The following LCP2 variants were observed in gnomAD, a reference collection of about 807,000 sequenced individuals.
The protein encoded by LCP2 is 76 kDa tyrosine phosphoprotein.
LCP2 carries 29 observed loss-of-function variants against 74.5 expected under a neutral mutation model. That is an observed-to-expected ratio of 0.39 (90% confidence interval 0.29 to 0.53). The LOEUF (loss-of-function observed/expected upper bound fraction) is 0.53. Among genes scored for constraint, LCP2 ranks in the 20% least tolerant of loss-of-function variants. LCP2 has a pLI of 0.72. For synonymous variants in LCP2, 228 were observed against 229.5 expected (o/e 0.99, Z 0.06); for missense variants, 604 against 634.6 (o/e 0.95, Z 0.52).
intron 14 of LCP2, among the ~76,000 whole-genome samples, chr5:170,259,907 A>G (rs1389395466): frequency 6.6e-6 from 1 of 152,204 alleles, no homozygotes; most frequent in African/African-American, 2.4e-5. Flanking sequence ...CCAGATTCTC[A>G]TGAGCACAAG....
Position 170,248,095 on chromosome 5 carries a change from A to T in LCP2, c.*602T>A, listed in dbSNP as rs560906991. The T allele has an allele frequency of 3.9e-5, 6 of 152,288 alleles. No homozygotes were observed. The highest frequency in any genetic ancestry group is 1.4e-4 in the African/African-American group (6 of 41,466). The allele number at this position is 152,288 out of a possible 1,614,324, so 9.4% of individuals were successfully genotyped here. On this transcript the variant is annotated 3_prime_UTR_variant, in exon 21 of 21. Coordinates refer to ENST00000046794, the MANE Select transcript of LCP2 (RefSeq NM_005565.5). ...GGAAACCAAAAAAGTAAAGCAAAAG[A>T]CTATTTTAATCCCAGAAGTTATCTC... is the stretch of plus-strand genomic sequence containing the variant.
chr5:170,295,099 C>G (rs184969075), intron 1 of LCP2, among the ~76,000 whole-genome samples: 1 of 152,130 alleles, frequency 6.6e-6, no homozygotes. Flanking sequence ...GGGATACCAG[C>G]TGGGACCCCA....
At chr5:170,292,847 G>A (rs1289621945) in intron 2 of LCP2, among the ~76,000 whole-genome samples, 3 of 152,172 alleles carry the variant, frequency 2.0e-5, no homozygotes, top group Non-Finnish European at 2.9e-5. Flanking sequence ...ATAATACAGT[G>A]GAGACAGCCA....
At chr5:170,276,235 T>G (rs764783786) in intron 3 of LCP2, among the ~76,000 whole-genome samples, 1 of 152,220 alleles carries the variant, frequency 6.6e-6, no homozygotes, top group African/African-American at 2.4e-5. Flanking sequence ...TGTCTTACTA[T>G]TCCTGGGGCT....
intron 3 of LCP2, among the ~76,000 whole-genome samples, chr5:170,286,013 C>T (rs752551865): frequency 7.2e-5 from 11 of 152,228 alleles, no homozygotes; most frequent in Non-Finnish European, 1.2e-4. Flanking sequence ...TTTTCCATCC[C>T]TCGGTGTCTG....
At chr5:170,292,722 C>G (rs968118670) in intron 2 of LCP2, among the ~76,000 whole-genome samples, 1 of 152,186 alleles carries the variant, frequency 6.6e-6, no homozygotes, top group Non-Finnish European at 1.5e-5. Flanking sequence ...ACCACCTCCC[C>G]GACCACAACC....
In LCP2 at chr5:170,248,492, T is replaced by C. The variant is rs1335153749; in HGVS notation, c.*205A>G. On this transcript the variant is annotated 3_prime_UTR_variant, in exon 21 of 21. Coordinates refer to ENST00000046794, the MANE Select transcript of LCP2 (RefSeq NM_005565.5). ...AAGTGTGAACATGACTCATGCACTT[T>C]ACAAACATTGAAGAAGAATAAATAA... 7.8e-6 allele frequency: 4 copies of C among 512,128 alleles called. No homozygotes were observed. The highest frequency in any genetic ancestry group is 1.4e-5 in the Non-Finnish European group (4 of 289,066). 31.7% of individuals were successfully genotyped at this position (512,128 alleles called of 1,614,324 possible).
rs371119903 is a variant in LCP2 at position 170,287,904 on chromosome 5, C to T, written c.188+66G>A. ...AATGACATAGAACTGACCCAGCCCC[C>T]ACTCACACTACTCCCCATTCCCACC... On this transcript the variant is annotated intron_variant, in intron 3 of 20. Coordinates refer to ENST00000046794, the MANE Select transcript of LCP2 (RefSeq NM_005565.5). The T allele has an allele frequency of 9.7e-4, 1,393 of 1,432,272 alleles. 2 individuals are homozygous for T. The highest frequency in any genetic ancestry group is 1.3e-3 in the Non-Finnish European group (1,284 of 1,014,788). The allele number at this position is 1,432,272 out of a possible 1,614,324, so 88.7% of individuals were successfully genotyped here. A position where few individuals can be genotyped will look rare whatever the true frequency, so the allele number is the denominator to read the frequency against.
chr5:170,285,475 C>T (rs190593348), intron 3 of LCP2, among the ~76,000 whole-genome samples: 48 of 152,210 alleles, frequency 3.2e-4, no homozygotes, highest in Non-Finnish European at 5.6e-4. Context: ...TTTTTGCATT[C>T]CTATAAATAG....
Position 170,274,158 on chromosome 5 carries a change from G to T in LCP2, c.324+143C>A. ...AAAACTATTTCCTGTCTGGCCCTGT[G>T]CAGAGCACCTTTTCTGGGCCCTGGG... On this transcript the variant is annotated intron_variant, in intron 6 of 20. Transcript: ENST00000046794. 6 of 819,492 alleles carry T rather than the reference G, an allele frequency of 7.3e-6. No homozygotes were observed. The Admixed American group carries it at 8.6e-5, about 12-fold the overall frequency. 50.8% of individuals were successfully genotyped at this position (819,492 alleles called of 1,614,324 possible).
chr5:170,255,048 G>C (rs1321556192), intron 17 of LCP2, among the ~76,000 whole-genome samples: 1 of 152,206 alleles, frequency 6.6e-6, no homozygotes, highest in African/African-American at 2.4e-5. Flanking sequence ...GAGATCTGTG[G>C]AACTTGCTTT....
chr5:170,284,282 T>A (rs1321700091), intron 3 of LCP2, among the ~76,000 whole-genome samples: 1 of 152,234 alleles, frequency 6.6e-6, no homozygotes, highest in Non-Finnish European at 1.5e-5. Context: ...AAAAAGCACC[T>A]GTGGCAGTAC....
chr5:170,253,332 G>T, intron 17 of LCP2, 119 bp from the exon 18 acceptor site: 1 of 581,788 alleles, frequency 1.7e-6, no homozygotes. Context: ...TGGTCCTATA[G>T]TTCGCATTTT....
intron 2 of LCP2, among the ~76,000 whole-genome samples, chr5:170,289,694 T>TC (rs1762253602): frequency 2.1e-5 from 3 of 143,368 alleles, no homozygotes; most frequent in Non-Finnish European, 4.7e-5. Context: ...TCTTTCTTTC[T>TC]TTCTTTCCTT....
intron 2 of LCP2, among the ~76,000 whole-genome samples, chr5:170,292,970 G>GCT (rs1762315051): frequency 6.6e-6 from 1 of 152,234 alleles, no homozygotes; most frequent in Non-Finnish European, 1.5e-5. Flanking sequence ...ATGAGTATGT[G>GCT]CTCCAGAGTG....
intron 3 of LCP2, among the ~76,000 whole-genome samples, chr5:170,285,008 C>T (rs1026742680): frequency 9.9e-5 from 15 of 152,196 alleles, no homozygotes; most frequent in Non-Finnish European, 1.6e-4. Context: ...ACCTCAGCCT[C>T]CCAAAGTGCT....
Position 170,256,687 on chromosome 5 carries a change from T to C in LCP2, c.1101-112A>G. On this transcript the variant is annotated intron_variant, in intron 16 of 20. Transcript: ENST00000046794. The surrounding 1 kb of genome is among the most constrained non-coding windows in gnomAD (Gnocchi z 4.5). ...AATGCTTCTTGATTTGGTATCACTT[T>C]CCCTGCTGCCCCCAAAACCATGGGG... 3.9e-6 allele frequency: 3 copies of C among 762,940 alleles called. No individual in the cohort carries two copies. Among genetic ancestry groups the C allele is most frequent in the Non-Finnish European group, 7.0e-6 (3 of 427,210 alleles). The allele number at this position is 762,940 out of a possible 1,614,324, so 47.3% of individuals were successfully genotyped here.
chr5:170,250,442 T>A (rs552558490), intron 20 of LCP2, among the ~76,000 whole-genome samples: 36 of 152,376 alleles, frequency 2.4e-4, no homozygotes, highest in African/African-American at 7.7e-4. Context: ...GGAACTTTCC[T>A]TTGACACCAT....
chr5:170,274,317 C>T lies in LCP2; in HGVS notation c.308G>A (p.Gly103Glu). 3.7e-6 allele frequency: 6 copies of T among 1,613,398 alleles called. No homozygotes were observed. Among genetic ancestry groups the T allele is most frequent in the Non-Finnish European group, 5.1e-6 (6 of 1,179,676 alleles). ...EETESHEEDN[G>E]GWSSFEEDDY... ...CATACTCACAAAGGACGACCAGCCC[C>T]CATTGTCCTCTTCGTGGCTTTCTGT... is the stretch of plus-strand genomic sequence containing the variant. Residue 103 changes from glycine (G) to glutamate (E), a missense_variant, in exon 6 of 21, where the codon GGG becomes GAG. Gly to Glu is a moderately conservative substitution (Grantham distance 98, BLOSUM62 -2). Transcript: ENST00000046794.
Sources: gnomAD v4.1 joint callset for allele counts (sites outside exome capture counted in the v4.1 genomes callset) on GRCh38, gnomAD v4.1.1 for gene constraint, Gnocchi (gnomAD v3.1) non-coding constraint, MANE v1.5 for transcripts, NCBI Gene and HGNC (gene_info 2026-07-23, HGNC 2026-07-21) for gene names.